Variants in C12orf42 observed in about 807,000 individuals in gnomAD.
The protein encoded by C12orf42 is uncharacterized protein C12orf42.
Under a neutral mutation model 21.6 loss-of-function variants are expected in C12orf42, and 25 were observed. The observed-to-expected ratio is 1.16, with a 90% confidence interval of 0.84 to 1.62. C12orf42 has a LOEUF of 1.62. Ranked by LOEUF, C12orf42 falls within the 40% of genes most tolerant of loss-of-function variation. The pLI is 0.00. For synonymous variants in C12orf42, 174 were observed against 175.0 expected (o/e 0.99, Z 0.05); for missense variants, 483 against 459.3 (o/e 1.05, Z -0.47).
the C12orf42 span, among the ~76,000 whole-genome samples, chr12:103,137,927 A>G: frequency 6.6e-6 from 1 of 152,134 alleles, no homozygotes; most frequent in Non-Finnish European, 1.5e-5. Flanking sequence ...ATAAAGTTAG[A>G]TTGAAGGAAT....
chr12:103,133,062 G>A, the C12orf42 span, among the ~76,000 whole-genome samples: 2 of 152,186 alleles, frequency 1.3e-5, no homozygotes, highest in African/African-American at 4.8e-5. Flanking sequence ...CAGTGCTTGA[G>A]TGGGGACTGG....
At chr12:103,415,944 GC>G (rs1356432488) in intron 2 of C12orf42, among the ~76,000 whole-genome samples, 1 of 151,886 alleles carries the variant, frequency 6.6e-6, no homozygotes, top group Non-Finnish European at 1.5e-5. Context: ...AAAACTCTCT[GC>G]CTTTTTCTGT....
the C12orf42 span, among the ~76,000 whole-genome samples, chr12:103,165,870 A>G: frequency 0.19 from 28,810 of 151,622 alleles, 4,028 homozygotes; most frequent in East Asian, 0.39. Flanking sequence ...GTGAAACCCC[A>G]TCTCTACTAA....
At chr12:103,128,638 T>C in the C12orf42 span, among the ~76,000 whole-genome samples, 3 of 152,132 alleles carry the variant, frequency 2.0e-5, no homozygotes, top group Non-Finnish European at 2.9e-5. Flanking sequence ...CCTTGCATGG[T>C]TGTTGTAAAG....
the C12orf42 span, among the ~76,000 whole-genome samples, chr12:103,126,731 C>G: frequency 5.4e-5 from 8 of 148,906 alleles, no homozygotes; most frequent in African/African-American, 2.5e-5. Context: ...GCTTATATAA[C>G]AGTTCGTTTT....
the C12orf42 span, among the ~76,000 whole-genome samples, chr12:103,216,938 G>A: frequency 6.6e-6 from 1 of 152,038 alleles, no homozygotes; most frequent in African/African-American, 2.4e-5. Flanking sequence ...TGCCTCCCAG[G>A]TTCAAGGGAT....
At chr12:103,196,555 T>A in the C12orf42 span, among the ~76,000 whole-genome samples, 2 of 152,252 alleles carry the variant, frequency 1.3e-5, no homozygotes, top group East Asian at 3.9e-4. Flanking sequence ...GCCACTCTTA[T>A]ATCGCTTTGT....
chr12:103,179,415 T>G, the C12orf42 span, among the ~76,000 whole-genome samples: 1 of 152,166 alleles, frequency 6.6e-6, no homozygotes, highest in African/African-American at 2.4e-5. Flanking sequence ...TTGAAGAATA[T>G]GGAGGAATAA....
the C12orf42 span, among the ~76,000 whole-genome samples, chr12:103,199,571 G>A: frequency 6.6e-6 from 1 of 151,930 alleles, no homozygotes. Context: ...TTTGATAAAG[G>A]GTTAATACCC....
At chr12:103,363,323 A>G (rs918316079) in intron 4 of C12orf42, among the ~76,000 whole-genome samples, 13 of 152,158 alleles carry the variant, frequency 8.5e-5, no homozygotes, top group African/African-American at 3.1e-4. Flanking sequence ...CTAACAAGCC[A>G]GCACTAAACT....
chr12:103,496,813 GAAA>G (rs35226409), upstream of C12orf42, among the ~76,000 whole-genome samples: 4 of 111,110 alleles, frequency 3.6e-5, no homozygotes, highest in East Asian at 2.5e-4. Context: ...TTCTAGCCGG[GAAA>G]AAAAAAAAAA....
chr12:103,549,181 C>T, the C12orf42 span, among the ~76,000 whole-genome samples: 1 of 151,866 alleles, frequency 6.6e-6, no homozygotes. Context: ...TTAGTCCTTC[C>T]TTCTCTATTT....
the C12orf42 span, among the ~76,000 whole-genome samples, chr12:103,181,296 A>T: frequency 1.3e-5 from 2 of 151,854 alleles, no homozygotes; most frequent in East Asian, 1.9e-4. Context: ...TAAAAAAAAT[A>T]AAAAATGAAA....
chr12:103,452,532 A>T (rs555268896), intron 2 of C12orf42, among the ~76,000 whole-genome samples: 127 of 152,300 alleles, frequency 8.3e-4, no homozygotes, highest in Non-Finnish European at 1.5e-3. Flanking sequence ...CTGGGTATAT[A>T]CCCAAAGGGT....
rs180811949 is a variant in C12orf42, at chr12:103,403,298, C to T, written c.79-1623G>A. 2.5e-3 allele frequency among the ~76,000 whole-genome samples: 377 copies of T among 151,686 alleles called. 3 individuals are homozygous for T. The highest frequency in any genetic ancestry group is 8.6e-3 in the African/African-American group (356 of 41,314). ...GGCTGAGGCAGGGGAATGGCGTGAA[C>T]CTGGGAGGCAGAGCTTGCAGTGAGC... is the stretch of plus-strand genomic sequence containing the variant. On this transcript the variant is annotated intron_variant, in intron 2 of 5. Transcript: ENST00000548883.
At chr12:103,396,120 G>C (rs1364161923) in intron 3 of C12orf42, among the ~76,000 whole-genome samples, 1 of 151,260 alleles carries the variant, frequency 6.6e-6, no homozygotes, top group Admixed American at 6.6e-5. Flanking sequence ...TAGTTGATAT[G>C]GTTTGGCTGT....
At chr12:103,415,903 TTC>T (rs1274257598) in intron 2 of C12orf42, among the ~76,000 whole-genome samples, 1 of 152,204 alleles carries the variant, frequency 6.6e-6, no homozygotes, top group Admixed American at 6.5e-5. Flanking sequence ...CCAAATTTTA[TTC>T]TGTTTTTCCC....
At chr12:103,273,880 T>G (rs1342971726) in intron 5 of C12orf42, 1 of 456,246 alleles carries the variant, frequency 2.2e-6, no homozygotes, top group Middle Eastern at 3.3e-4. Context: ...AGTGGCTATT[T>G]TACCTAGAAA....
chr12:103,217,155 T>C, the C12orf42 span, among the ~76,000 whole-genome samples: 1 of 152,140 alleles, frequency 6.6e-6, no homozygotes, highest in Non-Finnish European at 1.5e-5. Context: ...CAAGACCTAT[T>C]TCTCTGGTTA....
Sources: gnomAD v4.1 joint callset for allele counts (sites outside exome capture counted in the v4.1 genomes callset) on GRCh38, gnomAD v4.1.1 for gene constraint, MANE v1.5 for transcripts, NCBI Gene and HGNC (gene_info 2026-07-23, HGNC 2026-07-21) for gene names.